KCNIP4: variants seen among roughly 807,000 people sequenced by gnomAD.
KCNIP4 encodes the protein Kv channel-interacting protein 4.
A neutral mutation model predicts 34.0 loss-of-function variants in KCNIP4; 12 were observed. That is an observed-to-expected ratio of 0.35 (90% CI 0.23 to 0.57). KCNIP4 has a LOEUF of 0.57. KCNIP4 is among the 20% of genes least tolerant of loss of function. The probability of loss-of-function intolerance (pLI) is 0.83; values close to 1 mark genes in which losing one functional copy is unlikely to be tolerated. For missense variants in KCNIP4, 238 were observed against 311.7 expected, an observed-to-expected ratio of 0.76 and a Z score of 1.78; for synonymous variants, 124 against 102.2, an observed-to-expected ratio of 1.21 and a Z score of -1.29.
chr4:20,982,723 C>T (rs1736184977), intron 1 of KCNIP4, among the ~76,000 whole-genome samples: 1 of 152,158 alleles, frequency 6.6e-6, no homozygotes, highest in Non-Finnish European at 1.5e-5. Flanking sequence ...AGAGAAACAA[C>T]CTGTATACCG....
chr4:21,904,716 C>T (rs1443590923), intron 1 of KCNIP4, among the ~76,000 whole-genome samples: 2 of 152,134 alleles, frequency 1.3e-5, no homozygotes, highest in African/African-American at 4.8e-5. Flanking sequence ...GAATTATAGA[C>T]ATTTTGGATG....
At chr4:20,906,051 T>TCCTC (rs376112934) in intron 1 of KCNIP4, among the ~76,000 whole-genome samples, 50 of 150,328 alleles carry the variant, frequency 3.3e-4, no homozygotes, top group African/African-American at 1.1e-3. Flanking sequence ...CCCCTTCTCT[T>TCCTC]CCTCCCTCCC....
At chr4:20,976,366 T>A (rs1454210195) in intron 1 of KCNIP4, among the ~76,000 whole-genome samples, 2 of 152,218 alleles carry the variant, frequency 1.3e-5, no homozygotes, top group African/African-American at 2.4e-5. Flanking sequence ...ACATGGCAAC[T>A]GTTGTTTCAA....
intron 1 of KCNIP4, among the ~76,000 whole-genome samples, chr4:21,083,037 T>G (rs1746137509): frequency 6.6e-6 from 1 of 151,872 alleles, no homozygotes; most frequent in African/African-American, 2.4e-5. Flanking sequence ...GTTGTTTAAG[T>G]GGGGTTTGGA....
chr4:21,730,290 C>G (rs1212792381), intron 1 of KCNIP4, among the ~76,000 whole-genome samples: 1 of 152,090 alleles, frequency 6.6e-6, no homozygotes, highest in East Asian at 1.9e-4. Flanking sequence ...CTTCTTAAAC[C>G]CTCATTAACA....
intron 1 of KCNIP4, among the ~76,000 whole-genome samples, chr4:21,090,644 A>G (rs1746914845): frequency 6.6e-6 from 1 of 152,234 alleles, no homozygotes; most frequent in South Asian, 2.1e-4. Context: ...ATTTTAAGTC[A>G]CAGATTGTTT....
At chr4:21,774,301 G>A (rs189797006) in intron 1 of KCNIP4, among the ~76,000 whole-genome samples, 104 of 152,230 alleles carry the variant, frequency 6.8e-4, no homozygotes, top group African/African-American at 2.3e-3. Context: ...CTGCTGAGAG[G>A]TCCTCTGTTA....
At chr4:21,252,756 CT>C (rs5856614) in intron 1 of KCNIP4, among the ~76,000 whole-genome samples, 49,665 of 131,970 alleles carry the variant, frequency 0.38, 8,560 homozygotes, top group South Asian at 0.5. Context: ...GGCAAATCCT[CT>C]TTTTTTTTTT....
rs1318687393 is a variant in KCNIP4 at position 20,837,686 on chromosome 4, A to ATTTTT, written c.288+12852_288+12856dup. Among the ~76,000 whole-genome samples, 150 of 117,386 alleles carry ATTTTT rather than the reference A, an allele frequency of 1.3e-3. 1 individual carries two copies. In the East Asian group the frequency reaches 0.019, roughly 15 times the overall value. 77.0% of individuals were successfully genotyped at this position (117,386 alleles called of 152,430 possible). On this transcript the variant is annotated intron_variant, in intron 3 of 8. Coordinates refer to ENST00000382152, the MANE Select transcript of KCNIP4 (RefSeq NM_025221.6). ...GCTATATATATATATATATATATAT[A>ATTTTT]TTTTTTTTTCCTTGGAGATGGAGTC...
chr4:21,645,752 T>C (rs188353428), intron 1 of KCNIP4, among the ~76,000 whole-genome samples: 128 of 152,258 alleles, frequency 8.4e-4, no homozygotes, highest in Non-Finnish European at 1.5e-3. Flanking sequence ...ATGGGCTGTA[T>C]GAGTGGCAAC....
intron 1 of KCNIP4, among the ~76,000 whole-genome samples, chr4:20,901,889 C>T (rs1727189393): frequency 6.7e-6 from 1 of 150,128 alleles, no homozygotes; most frequent in African/African-American, 2.4e-5. Context: ...TCTATCTTTC[C>T]AAGAAAGGAA....
intron 1 of KCNIP4, among the ~76,000 whole-genome samples, chr4:21,515,019 G>A (rs903078800): frequency 6.6e-6 from 1 of 152,138 alleles, no homozygotes; most frequent in African/African-American, 2.4e-5. Flanking sequence ...AACATAATAT[G>A]TTCTTACATT....
intron 3 of KCNIP4, among the ~76,000 whole-genome samples, chr4:20,840,739 T>G (rs1353681201): frequency 6.6e-6 from 1 of 152,178 alleles, no homozygotes; most frequent in East Asian, 1.9e-4. Flanking sequence ...TTTTTTTGTC[T>G]TAAACCACTG....
chr4:21,098,343 G>GA (rs748896388), intron 1 of KCNIP4, among the ~76,000 whole-genome samples: 41 of 152,210 alleles, frequency 2.7e-4, no homozygotes, highest in Admixed American at 7.9e-4. Flanking sequence ...TTTATTGGAA[G>GA]AAAATGTTAT....
At chr4:21,073,699 G>T (rs4389576) in intron 1 of KCNIP4, among the ~76,000 whole-genome samples, 28,104 of 151,870 alleles carry the variant, frequency 0.19, 2,596 homozygotes, top group South Asian at 0.21. Context: ...GGGAGAGGGC[G>T]TCCCTGTCTT....
At chr4:21,252,708 T>C (rs1967397) in intron 1 of KCNIP4, among the ~76,000 whole-genome samples, 38,682 of 151,302 alleles carry the variant, frequency 0.26, 9,644 homozygotes, top group African/African-American at 0.65. Flanking sequence ...GTCCAGGAGG[T>C]TGATGGTACT....
At chr4:21,217,966 T>G (rs529839797) in intron 1 of KCNIP4, among the ~76,000 whole-genome samples, 9 of 151,056 alleles carry the variant, frequency 6.0e-5, no homozygotes, top group Non-Finnish European at 1.2e-4. Flanking sequence ...AAGTAGCTTT[T>G]GGTCACCATC....
At chr4:21,617,621 C>A (rs1223350366) in intron 1 of KCNIP4, among the ~76,000 whole-genome samples, 1 of 152,170 alleles carries the variant, frequency 6.6e-6, no homozygotes, top group Admixed American at 6.5e-5. Flanking sequence ...ACTTTAATGT[C>A]TCCTATTCCT....
chr4:20,919,345 C>A (rs974501238), intron 1 of KCNIP4, among the ~76,000 whole-genome samples: 17 of 151,806 alleles, frequency 1.1e-4, no homozygotes, highest in African/African-American at 4.1e-4. Flanking sequence ...TGCTCGGCTG[C>A]CTTTGGGCAG....
Sources: gnomAD v4.1 joint callset for allele counts (sites outside exome capture counted in the v4.1 genomes callset) on GRCh38, gnomAD v4.1.1 for gene constraint, MANE v1.5 for transcripts, NCBI Gene and HGNC (gene_info 2026-07-23, HGNC 2026-07-21) for gene names.